Variants in PAMR1 observed in about 807,000 individuals in gnomAD.
PAMR1 encodes inactive serine protease PAMR1.
PAMR1 carries 88 observed loss-of-function variants against 81.8 expected under a neutral mutation model. That is an observed-to-expected ratio of 1.08 (90% CI 0.91 to 1.28). The LOEUF (loss-of-function observed/expected upper bound fraction) is 1.28, where lower values mean the gene tolerates loss of function less well. PAMR1 is among the 50% of genes most tolerant of loss of function. PAMR1 has a pLI of 0.00. For synonymous variants in PAMR1, 336 were observed against 345.3 expected, an observed-to-expected ratio of 0.97 and a Z score of 0.30; for missense variants, 935 against 919.7, an observed-to-expected ratio of 1.02 and a Z score of -0.21.
intron 6 of PAMR1, chr11:35,451,850 G>A: frequency 1.4e-6 from 1 of 694,172 alleles, no homozygotes; most frequent in South Asian, 1.6e-5. Flanking sequence ...GCCACATGAG[G>A]ATACAGCAAG....
chr11:35,499,146 G>T (rs1795955409), intron 1 of PAMR1, among the ~76,000 whole-genome samples: 1 of 152,134 alleles, frequency 6.6e-6, no homozygotes, highest in African/African-American at 2.4e-5. Context: ...CATCCAGTGG[G>T]TTCAGCTTGG....
At chr11:35,454,710 C>T (rs1024163400) in intron 6 of PAMR1, among the ~76,000 whole-genome samples, 2 of 152,150 alleles carry the variant, frequency 1.3e-5, no homozygotes, top group African/African-American at 4.8e-5. Flanking sequence ...CTGTCTTAAC[C>T]CTGGGTATCA....
intron 3 of PAMR1, among the ~76,000 whole-genome samples, chr11:35,486,864 AG>A (rs1850520130): frequency 6.6e-6 from 1 of 152,102 alleles, no homozygotes; most frequent in Non-Finnish European, 1.5e-5. Context: ...GAGCGACTGA[AG>A]TATTGTTTAG....
chr11:35,435,345 TA>T (rs1856015991), intron 9 of PAMR1, among the ~76,000 whole-genome samples: 1 of 152,228 alleles, frequency 6.6e-6, no homozygotes, highest in South Asian at 2.1e-4. Context: ...ATGATGTAAT[TA>T]ATACCTCATT....
At chr11:35,497,288 C>A (rs534411125) in intron 1 of PAMR1, among the ~76,000 whole-genome samples, 3 of 152,170 alleles carry the variant, frequency 2.0e-5, no homozygotes, top group African/African-American at 4.8e-5. Context: ...TGTAAATGAA[C>A]CTTGAAATCA....
At chr11:35,433,001 T>C (rs560860340) in intron 10 of PAMR1, 109 bp from the exon 11 acceptor site, 2 of 899,404 alleles carry the variant, frequency 2.2e-6, no homozygotes, top group South Asian at 3.7e-5. Flanking sequence ...AAGAGGCAGC[T>C]ACAATTATTT....
intron 6 of PAMR1, among the ~76,000 whole-genome samples, chr11:35,455,927 G>A (rs940841804): frequency 5.3e-5 from 8 of 151,600 alleles, no homozygotes; most frequent in African/African-American, 1.5e-4. Context: ...AAGATTTGGG[G>A]CTTTCCTTCC....
chr11:35,502,817 GCTGTGCA>G (rs560380874), intron 1 of PAMR1, among the ~76,000 whole-genome samples: 47,501 of 151,798 alleles, frequency 0.31, 7,493 homozygotes, highest in African/African-American at 0.37. Context: ...TGTTTCCTTT[GCTGTGCA>G]GAAGCCTTTA....
intron 6 of PAMR1, among the ~76,000 whole-genome samples, chr11:35,460,307 TC>T (rs1244702778): frequency 6.6e-6 from 1 of 151,020 alleles, no homozygotes; most frequent in African/African-American, 2.4e-5. Flanking sequence ...TGTATCCTCC[TC>T]TTTCTTTTTT....
In PAMR1 at chr11:35,469,802, GTT is replaced by G. The variant is rs34665290; in HGVS notation, c.712+797_712+798del. Among the ~76,000 whole-genome samples the G allele has an allele frequency of 2.5e-4, 37 of 148,838 alleles. No homozygotes were observed. The Admixed American group carries it at 2.5e-3, about 10-fold the overall frequency. ...CCATTACGAGTTCTTTTTTAATTCA[GTT>G]TTTTTTTTTAAATCAAACTTCAAGC... On this transcript the variant is annotated intron_variant, in intron 5 of 10. Transcript: ENST00000619888.
Position 35,494,212 on chromosome 11 carries a change from C to T in PAMR1, c.134G>A (p.Cys45Tyr). 6.2e-7 allele frequency: 1 copy of T among 1,614,146 alleles called. No individual in the cohort carries two copies. The highest frequency in any genetic ancestry group is 8.5e-7 in the Non-Finnish European group (1 of 1,179,956). Residue 45 changes from cysteine to tyrosine, a missense_variant, in exon 2 of 11, where the codon TGC becomes TAC. Cys to Tyr is a radical substitution (Grantham distance 194). Coordinates refer to ENST00000619888, the MANE Select transcript of PAMR1 (RefSeq NM_001001991.3). ...GAEWNIMCRE[C>Y]CEYDQIECVC... is the part of the protein sequence containing the mutation. Reference sequence around the variant, plus strand: ...GCACTCAATCTGATCATATTCACAGCACTCCCGACACATGATATTCCACTC... The same window carrying T: ...GCACTCAATCTGATCATATTCACAGTACTCCCGACACATGATATTCCACTC...
intron 3 of PAMR1, among the ~76,000 whole-genome samples, chr11:35,479,230 T>C (rs765575521): frequency 6.6e-6 from 1 of 152,196 alleles, no homozygotes; most frequent in Non-Finnish European, 1.5e-5. Context: ...GAGAGGCATT[T>C]GCATTTTCTT....
At chr11:35,477,583 CAACTTG>C (rs1201810574) in intron 3 of PAMR1, among the ~76,000 whole-genome samples, 1 of 152,210 alleles carries the variant, frequency 6.6e-6, no homozygotes, top group African/African-American at 2.4e-5. Context: ...GAACCTCAGT[CAACTTG>C]AATCAAATGT....
chr11:35,499,922 G>T (rs1022987996), intron 1 of PAMR1, among the ~76,000 whole-genome samples: 2 of 152,186 alleles, frequency 1.3e-5, no homozygotes, highest in African/African-American at 4.8e-5. Context: ...AAGGCCCCCC[G>T]TAAGAGGGAG....
intron 3 of PAMR1, among the ~76,000 whole-genome samples, chr11:35,481,863 C>T (rs1393421199): frequency 1.3e-5 from 2 of 152,126 alleles, no homozygotes; most frequent in Non-Finnish European, 2.9e-5. Context: ...ATATCTTTTG[C>T]CCACTTTTTG....
chr11:35,434,828 T>G lies in PAMR1; in HGVS notation c.1334-24A>C, dbSNP rs773504042. The G allele has an allele frequency of 5.6e-6, 9 of 1,603,512 alleles. No homozygotes were observed. In the Admixed American group the frequency reaches 1.5e-4, roughly 27 times the overall value. ...GACTATGGAGAAAGTACCAGCTTAG[T>G]AAGATAAACTCAGACTTTGCCATCC... On this transcript the variant is annotated intron_variant, in intron 9 of 10. Coordinates refer to ENST00000619888, the MANE Select transcript of PAMR1 (RefSeq NM_001001991.3).
In PAMR1 at chr11:35,432,792, A is replaced by T. The variant is rs1405549247; in HGVS notation, c.1727T>A (p.Val576Asp). ...LLDKARISTRVQPICLAASRD... is the reference protein window; with the variant it reads ...LLDKARISTRDQPICLAASRD... ...ACTGGCAGCGAGGCAGATGGGCTGG[A>T]CTCGGGTGCTGATACGGGCCTTGTC... Residue 576 changes from valine (V) to aspartate (D), a missense_variant, in exon 11 of 11, where the codon GTC becomes GAC. Val to Asp is a radical substitution (Grantham distance 152, BLOSUM62 -3). Transcript: ENST00000619888. The T allele has an allele frequency of 6.2e-6, 10 of 1,610,730 alleles. No homozygotes were observed. The highest frequency in any genetic ancestry group is 8.5e-6 in the Non-Finnish European group (10 of 1,179,998).
chr11:35,449,686 C>A (rs931012403), intron 6 of PAMR1, among the ~76,000 whole-genome samples: 8 of 152,174 alleles, frequency 5.3e-5, no homozygotes, highest in Admixed American at 1.3e-4. Flanking sequence ...AAGCAGCCTC[C>A]GAGAGACTGC....
intron 6 of PAMR1, among the ~76,000 whole-genome samples, chr11:35,448,180 T>C (rs1856336144): frequency 6.6e-6 from 1 of 152,214 alleles, no homozygotes; most frequent in South Asian, 2.1e-4. Context: ...TGAATTTGAA[T>C]GTTAGCTTGT....
Sources: allele counts gnomAD v4.1 joint callset (sites outside exome capture counted in the v4.1 genomes callset), GRCh38; gene constraint gnomAD v4.1.1; transcripts MANE v1.5; gene names NCBI Gene and HGNC (gene_info 2026-07-23, HGNC 2026-07-21).